Variants in BCO1 observed in about 807,000 individuals in gnomAD.
BCO1 encodes the protein beta-carotene oxygenase 1.
A neutral mutation model predicts 56.3 loss-of-function variants in BCO1; 54 were observed. The ratio of observed to expected loss-of-function variants is 0.96; its 90% confidence interval spans 0.77 to 1.20. The LOEUF is 1.20. Ranked by LOEUF, BCO1 falls within the 50% of genes most tolerant of loss-of-function variation. The pLI, the probability that BCO1 is intolerant of heterozygous loss-of-function variation, is 0.00. For synonymous variants in BCO1, 318 were observed against 266.1 expected, an observed-to-expected ratio of 1.20 and a Z score of -1.90; for missense variants, 801 against 690.9, an observed-to-expected ratio of 1.16 and a Z score of -1.79.
chr16:81,259,852 C>T (rs1324234575), intron 3 of BCO1, 47 bp downstream of exon 3: 2 of 1,610,768 alleles, frequency 1.2e-6, no homozygotes, highest in Admixed American at 1.7e-5. Context: ...TTTTTGCTAT[C>T]CTTGATGGCT....
At chr16:81,258,876 G>T (rs1906307652) in intron 2 of BCO1, among the ~76,000 whole-genome samples, 1 of 152,152 alleles carries the variant, frequency 6.6e-6, no homozygotes, top group Non-Finnish European at 1.5e-5. Context: ...TCTGGCGAGG[G>T]CCTCAAAAAG....
At chr16:81,289,441 A>G (rs149814630) in intron 10 of BCO1, among the ~76,000 whole-genome samples, 1 of 152,246 alleles carries the variant, frequency 6.6e-6, no homozygotes, top group Non-Finnish European at 1.5e-5. Flanking sequence ...CAGGAGTCCA[A>G]GACCAGCATG....
intron 2 of BCO1, among the ~76,000 whole-genome samples, chr16:81,246,650 A>C (rs1597344992): frequency 6.6e-6 from 1 of 152,108 alleles, no homozygotes; most frequent in East Asian, 1.9e-4. Flanking sequence ...CGGGAGTTTG[A>C]GACCAACCTG....
intron 2 of BCO1, among the ~76,000 whole-genome samples, chr16:81,250,574 A>G (rs1905728316): frequency 7.0e-6 from 1 of 142,340 alleles, no homozygotes; most frequent in South Asian, 2.2e-4. Flanking sequence ...CTTTCTCAAT[A>G]AAGCTTTTTT....
intron 8 of BCO1, among the ~76,000 whole-genome samples, chr16:81,284,409 C>CT (rs1364783767): frequency 1.3e-5 from 2 of 151,810 alleles, no homozygotes; most frequent in Non-Finnish European, 1.5e-5. Context: ...AAAATGTAAA[C>CT]TGTAAGGCAG....
intron 6 of BCO1, among the ~76,000 whole-genome samples, chr16:81,269,297 TTTTC>T (rs1907037848): frequency 6.8e-6 from 1 of 147,564 alleles, no homozygotes. Context: ...CACTTTTAGT[TTTTC>T]TTTTTTTTTT....
intron 2 of BCO1, 149 bp downstream of exon 2, chr16:81,245,752 C>T: frequency 1.0e-6 from 1 of 997,228 alleles, no homozygotes; most frequent in Non-Finnish European, 1.5e-6. Flanking sequence ...GTTCATAGGG[C>T]CACATTCAGT....
At chr16:81,277,811 A>G (rs773228006) in intron 7 of BCO1, among the ~76,000 whole-genome samples, 7 of 152,202 alleles carry the variant, frequency 4.6e-5, no homozygotes, top group Non-Finnish European at 8.8e-5. Context: ...GAAAGCAGCC[A>G]AGTCATGTTT....
At chr16:81,256,609 C>A (rs1372058289) in intron 2 of BCO1, among the ~76,000 whole-genome samples, 2 of 152,318 alleles carry the variant, frequency 1.3e-5, no homozygotes, top group East Asian at 3.9e-4. Context: ...GTTCTCAGGG[C>A]TGGTGCGGTG....
At chr16:81,272,788 A>T (rs1440066732) in intron 7 of BCO1, among the ~76,000 whole-genome samples, 2 of 152,206 alleles carry the variant, frequency 1.3e-5, no homozygotes. Context: ...TTTGCTAAGC[A>T]TTTTGTTTTT....
At chr16:81,258,527 G>C (rs944871137) in intron 2 of BCO1, among the ~76,000 whole-genome samples, 5 of 152,140 alleles carry the variant, frequency 3.3e-5, no homozygotes, top group Admixed American at 3.3e-4. Flanking sequence ...GGGGCCCTGG[G>C]GAAAACCACC....
chr16:81,241,713 C>A (rs373649156), intron 1 of BCO1, among the ~76,000 whole-genome samples: 1 of 152,204 alleles, frequency 6.6e-6, no homozygotes, highest in South Asian at 2.1e-4. Flanking sequence ...CTTGCCAAGG[C>A]CAGGCAGCCT....
intron 7 of BCO1, among the ~76,000 whole-genome samples, chr16:81,275,372 G>T (rs1567460656): frequency 1.3e-5 from 2 of 152,236 alleles, no homozygotes. Context: ...GCCCGGGTGT[G>T]GTCTCAGAAA....
intron 5 of BCO1, among the ~76,000 whole-genome samples, chr16:81,267,525 A>C (rs1906902031): frequency 1.3e-5 from 2 of 152,184 alleles, no homozygotes; most frequent in South Asian, 4.1e-4. Flanking sequence ...AGGCAGGAGA[A>C]TTGCTTGAAC....
chr16:81,281,780 A>T (rs147210001), intron 8 of BCO1, among the ~76,000 whole-genome samples: 4 of 152,230 alleles, frequency 2.6e-5, no homozygotes, highest in Non-Finnish European at 5.9e-5. Flanking sequence ...GAATTGTAAG[A>T]TGTTTAGCCA....
Position 81,270,242 on chromosome 16 carries a change from C to G in BCO1, c.927C>G (p.His309Gln). ...FYTDAMVVFH[H>Q]VNAYEEDGCI... ...CAGACGCCATGGTGGTCTTCCATCA[C>G]GTCAACGCCTACGAAGAGGACGGCT... is the stretch of plus-strand genomic sequence containing the variant. Residue 309 changes from histidine (H) to glutamine (Q), a missense_variant, in exon 7 of 11, where the codon CAC (histidine) becomes CAG (glutamine). Physicochemically the swap from His to Gln is conservative, Grantham distance 24. Coordinates refer to ENST00000258168, the MANE Select transcript of BCO1 (RefSeq NM_017429.3). 6.2e-7 allele frequency: 1 copy of G among 1,614,212 alleles called. No individual in the cohort carries two copies. Among genetic ancestry groups the G allele is most frequent in the South Asian group, 1.1e-5 (1 of 91,080 alleles).
chr16:81,268,277 C>T, intron 6 of BCO1, 146 bp downstream of exon 6: 2 of 779,168 alleles, frequency 2.6e-6, no homozygotes, highest in Non-Finnish European at 4.3e-6. Context: ...CCAGCAAGTT[C>T]TGAAGCTGGA....
At chr16:81,269,465 T>C (rs749125585) in intron 6 of BCO1, among the ~76,000 whole-genome samples, 1 of 151,984 alleles carries the variant, frequency 6.6e-6, no homozygotes, top group African/African-American at 2.4e-5. Context: ...CTAGTGAATT[T>C]ATTTATTTAT....
chr16:81,281,304 G>C lies in BCO1; in HGVS notation c.1207+342G>C, dbSNP rs964072585. ...CTACTAAAAATACAAAAATTAGCCG[G>C]GTGTGGTGGCGCATGCCTGTGGTCC... On this transcript the variant is annotated intron_variant, in intron 8 of 10. Transcript: ENST00000258168. Among the ~76,000 whole-genome samples, 16 of 152,178 alleles carry C rather than the reference G, an allele frequency of 1.1e-4. No homozygotes were observed. The East Asian group carries it at 3.1e-3, about 29-fold the overall frequency.
Sources: gnomAD v4.1 joint callset for allele counts (sites outside exome capture counted in the v4.1 genomes callset) on GRCh38, gnomAD v4.1.1 for gene constraint, MANE v1.5 for transcripts, NCBI Gene and HGNC (gene_info 2026-07-23, HGNC 2026-07-21) for gene names.